The following CHD6 variants were observed in gnomAD, a reference collection of about 807,000 sequenced individuals.
The protein encoded by CHD6 is chromodomain helicase DNA binding protein 6.
A neutral mutation model predicts 276.9 loss-of-function variants in CHD6; 50 were observed. The ratio of observed to expected loss-of-function variants is 0.18; its 90% confidence interval spans 0.14 to 0.23. The LOEUF (loss-of-function observed/expected upper bound fraction) is 0.23, where lower values mean the gene tolerates loss of function less well. CHD6 is among the 10% of genes least tolerant of loss of function. The probability of loss-of-function intolerance (pLI) is 1.00; values close to 1 mark genes in which losing one functional copy is unlikely to be tolerated. For missense variants in CHD6, 2,564 were observed against 3,365.8 expected (o/e 0.76, Z 5.89); for synonymous variants, 1,173 against 1,229.3 (o/e 0.95, Z 0.96).
chr20:41,522,948 A>AAT (rs143994460), intron 3 of CHD6, among the ~76,000 whole-genome samples: 46 of 151,026 alleles, frequency 3.0e-4, no homozygotes, highest in Admixed American at 1.1e-3. Context: ...CTTCCTTTAA[A>AAT]ATATATATAT....
intron 17 of CHD6, among the ~76,000 whole-genome samples, chr20:41,463,884 C>T (rs934416919): frequency 7.2e-5 from 11 of 152,146 alleles, no homozygotes; most frequent in African/African-American, 2.7e-4. Flanking sequence ...AGAGAAAGTC[C>T]TTGTACTTAG....
chr20:41,418,425 G>A (rs530456615), intron 31 of CHD6, among the ~76,000 whole-genome samples: 2 of 152,208 alleles, frequency 1.3e-5, no homozygotes, highest in Admixed American at 6.5e-5. Context: ...GACATGCTGA[G>A]GAACGAAGTG....
intron 17 of CHD6, among the ~76,000 whole-genome samples, chr20:41,457,911 T>G (rs1028011134): frequency 2.0e-5 from 3 of 152,224 alleles, no homozygotes; most frequent in African/African-American, 7.2e-5. Context: ...CCTCCCAGAT[T>G]GTTAGGAAGT....
chr20:41,540,407 A>G (rs2044918612), intron 2 of CHD6, among the ~76,000 whole-genome samples: 1 of 152,236 alleles, frequency 6.6e-6, no homozygotes, highest in Admixed American at 6.5e-5. Context: ...AGAATGTATT[A>G]CTTTCATGGT....
chr20:41,424,309 C>G (rs940596508), intron 29 of CHD6, among the ~76,000 whole-genome samples: 2 of 152,290 alleles, frequency 1.3e-5, no homozygotes, highest in Admixed American at 6.5e-5. Context: ...ATATCCTATA[C>G]GAGTAAGTCA....
chr20:41,584,877 T>A lies in CHD6; in HGVS notation c.-24+33463A>T, dbSNP rs117594996. Among the ~76,000 whole-genome samples, 1,127 of 152,086 alleles carry A rather than the reference T, an allele frequency of 7.4e-3. 8 individuals are homozygous for A. Among genetic ancestry groups the A allele is most frequent in the Non-Finnish European group, 0.011 (767 of 67,982 alleles). On this transcript the variant is annotated intron_variant, in intron 1 of 36. Transcript: ENST00000373233. ...AGAAAGACCTCAAATCAATTAAACT[T>A]CCACCTAAGAAACTAAAATTGGAGA...
At chr20:41,594,802 T>C (rs1361825230) in intron 1 of CHD6, among the ~76,000 whole-genome samples, 4 of 152,168 alleles carry the variant, frequency 2.6e-5, no homozygotes, top group Non-Finnish European at 5.9e-5. Context: ...CACTAGCCAA[T>C]CGGGTCAGCT....
chr20:41,557,532 A>G (rs1489236923), intron 1 of CHD6, among the ~76,000 whole-genome samples: 1 of 152,164 alleles, frequency 6.6e-6, no homozygotes, highest in Non-Finnish European at 1.5e-5. Context: ...CAAAAAAATC[A>G]GGTTCACCCT....
At position 41,404,359 on chromosome 20, in the gene CHD6, G is replaced by T. The variant is rs2046609210; in HGVS notation, c.*234C>A. 8.1e-7 allele frequency: 1 copy of T among 1,240,446 alleles called. No individual in the cohort carries two copies. The highest frequency in any genetic ancestry group is 1.0e-6 in the Non-Finnish European group (1 of 991,460). 76.8% of individuals were successfully genotyped at this position (1,240,446 alleles called of 1,614,324 possible). Reference sequence around the variant, plus strand: ...TAACTATGATTGCTGGAATGAACTGGATAACAGAATGAGAATTCTGTGCCT... The same window carrying T: ...TAACTATGATTGCTGGAATGAACTGTATAACAGAATGAGAATTCTGTGCCT... On this transcript the variant is annotated 3_prime_UTR_variant, in exon 37 of 37. Coordinates refer to ENST00000373233, the MANE Select transcript of CHD6 (RefSeq NM_032221.5).
At chr20:41,597,663 A>G (rs1347345117) in intron 1 of CHD6, among the ~76,000 whole-genome samples, 2 of 152,160 alleles carry the variant, frequency 1.3e-5, no homozygotes, top group African/African-American at 4.8e-5. Context: ...GTCAAGGACC[A>G]TCATCCCAGG....
chr20:41,484,692 T>C (rs1240744376), intron 14 of CHD6, 85 bp from the exon 15 acceptor site: 1 of 1,421,844 alleles, frequency 7.0e-7, no homozygotes, highest in Non-Finnish European at 9.8e-7. Flanking sequence ...TCTAATTTCT[T>C]GAACATTTAC....
At chr20:41,604,237 A>C (rs959598757) in intron 1 of CHD6, among the ~76,000 whole-genome samples, 1 of 152,180 alleles carries the variant, frequency 6.6e-6, no homozygotes, top group Non-Finnish European at 1.5e-5. Context: ...AAAGGTTTGG[A>C]TCACAGGAGA....
At chr20:41,439,896 G>T in intron 26 of CHD6, 104 bp downstream of exon 26, 1 of 1,203,828 alleles carries the variant, frequency 8.3e-7, no homozygotes, top group Non-Finnish European at 1.2e-6. Flanking sequence ...GTAGGGAGAT[G>T]CCAGATGCTG....
rs2044962065 is a variant in CHD6, at chr20:41,542,464, G to A, written c.33+8841C>T. Among the ~76,000 whole-genome samples the A allele has an allele frequency of 1.3e-5, 2 of 152,096 alleles. 1 individual carries two copies. The highest frequency in any genetic ancestry group is 4.1e-4 in the South Asian group (2 of 4,826). Reference sequence around the variant, plus strand: ...TCCCAGCACTTTGGGAGGCCAAGGCGGGTGGATCCCAAGGTCAGGAGATCG... The same window carrying A: ...TCCCAGCACTTTGGGAGGCCAAGGCAGGTGGATCCCAAGGTCAGGAGATCG... On this transcript the variant is annotated intron_variant, in intron 2 of 36. Coordinates refer to ENST00000373233, the MANE Select transcript of CHD6 (RefSeq NM_032221.5).
At position 41,452,518 on chromosome 20, in the gene CHD6, CAT is replaced by C. The variant is rs2048268401; in HGVS notation, c.3323+220_3323+221del. ...AGGACCAGAGATTTGTTGTGACAGG[CAT>C]ATGAGAAAATCATGGCATGTCTGCA... On this transcript the variant is annotated intron_variant, in intron 21 of 36. Coordinates refer to ENST00000373233, the MANE Select transcript of CHD6 (RefSeq NM_032221.5). This position sits in a 1 kb window ranked among gnomAD's most constrained non-coding sequence, Gnocchi z 4.2. Among the ~76,000 whole-genome samples the C allele has an allele frequency of 6.6e-6, 1 of 152,166 alleles. No individual in the cohort carries two copies. The highest frequency in any genetic ancestry group is 2.1e-4 in the South Asian group (1 of 4,814).
At position 41,457,324 on chromosome 20, in the gene CHD6, T is replaced by C; in HGVS notation, c.2769A>G (p.Leu923=). ...GAACAGCCTTGTCCAGCCCCAGCTT[T>C]AGGCTGGCCTTGTCAAACATCTCGC... The part of the protein sequence containing the change: ...YEREMFDKAS[L]KLGLDKAVLQ... The change falls in exon 18 of 37, where the codon CTA becomes CTG. Residue 923 remains leucine (L), a synonymous_variant. Coordinates refer to ENST00000373233, the MANE Select transcript of CHD6 (RefSeq NM_032221.5). 1 of 1,614,168 alleles carries C rather than the reference T, an allele frequency of 6.2e-7. No individual in the cohort carries two copies. The highest frequency in any genetic ancestry group is 2.2e-5 in the East Asian group (1 of 44,868).
chr20:41,445,987 C>T (rs984676320), intron 24 of CHD6, among the ~76,000 whole-genome samples: 2 of 152,236 alleles, frequency 1.3e-5, no homozygotes, highest in African/African-American at 4.8e-5. Context: ...CTACCTTTGA[C>T]AGACTGACAC....
At chr20:41,440,781 A>G (rs2047877669) in intron 25 of CHD6, among the ~76,000 whole-genome samples, 1 of 152,212 alleles carries the variant, frequency 6.6e-6, no homozygotes, top group South Asian at 2.1e-4. Context: ...ATGTGTGAGG[A>G]TTTATTTTAT....
intron 25 of CHD6, among the ~76,000 whole-genome samples, chr20:41,442,479 AATGAACAGTC>A (rs1323983457): frequency 2.0e-5 from 3 of 152,152 alleles, no homozygotes; most frequent in Non-Finnish European, 4.4e-5. Context: ...AACCTCAGTC[AATGAACAGTC>A]ATGTGTTTCT....
Sources: gnomAD v4.1 joint callset for allele counts (sites outside exome capture counted in the v4.1 genomes callset) on GRCh38, gnomAD v4.1.1 for gene constraint, Gnocchi (gnomAD v3.1) non-coding constraint, MANE v1.5 for transcripts, NCBI Gene and HGNC (gene_info 2026-07-23, HGNC 2026-07-21) for gene names.